CAST: variants seen among roughly 807,000 people sequenced by gnomAD.
CAST encodes the protein calpastatin.
Under a neutral mutation model 119.6 loss-of-function variants are expected in CAST, and 76 were observed. That is an observed-to-expected ratio of 0.64 (90% CI 0.53 to 0.77). The LOEUF (loss-of-function observed/expected upper bound fraction) is 0.77, where lower values mean the gene tolerates loss of function less well. CAST is among the 30% of genes least tolerant of loss of function. CAST has a pLI of 0.00. For missense variants in CAST, 953 were observed against 946.5 expected (o/e 1.01, Z -0.09); for synonymous variants, 319 against 331.6 (o/e 0.96, Z 0.41).
chr5:96,350,312 A>G, the CAST span, among the ~76,000 whole-genome samples: 2 of 152,166 alleles, frequency 1.3e-5, no homozygotes, highest in South Asian at 2.1e-4. Context: ...CAATTTACGT[A>G]TGAGAAGGAG....
rs369175111 is a variant in CAST at position 96,535,697 on chromosome 5, T to C, written c.60+5817T>C. Among the ~76,000 whole-genome samples the C allele has an allele frequency of 1.3e-3, 189 of 150,502 alleles. 3 individuals are homozygous for C. The highest frequency in any genetic ancestry group is 4.2e-3 in the African/African-American group (171 of 40,982). ...AACGCCATTCTCCTGCCTCAGCCTCTCGAGTAGCTGGGACTACAGGCGCCC... is the reference window on the plus strand; with the variant it reads ...AACGCCATTCTCCTGCCTCAGCCTCCCGAGTAGCTGGGACTACAGGCGCCC... On this transcript the variant is annotated intron_variant, in intron 1 of 11. Transcript: ENST00000505143.
the CAST span, among the ~76,000 whole-genome samples, chr5:95,994,874 T>G: frequency 2.0e-5 from 3 of 152,154 alleles, no homozygotes; most frequent in Non-Finnish European, 4.4e-5. Context: ...GACTACACAT[T>G]TTAACAAGCA....
At chr5:96,177,846 CG>C in the CAST span, among the ~76,000 whole-genome samples, 1 of 152,172 alleles carries the variant, frequency 6.6e-6, no homozygotes, top group East Asian at 1.9e-4. Flanking sequence ...CGTTTGGAGA[CG>C]TTTTGCAGCT....
At chr5:96,319,732 A>C in the CAST span, among the ~76,000 whole-genome samples, 1 of 152,110 alleles carries the variant, frequency 6.6e-6, no homozygotes. Context: ...AGATGATATT[A>C]GGTGATAGAA....
chr5:96,591,571 C>A (rs985048071), intron 1 of CAST, among the ~76,000 whole-genome samples: 2 of 152,002 alleles, frequency 1.3e-5, no homozygotes, highest in African/African-American at 4.8e-5. Flanking sequence ...GACTGGAAGG[C>A]GAATAGGTCT....
intron 3 of CAST, among the ~76,000 whole-genome samples, chr5:96,721,366 G>C (rs1758224213): frequency 6.6e-6 from 1 of 152,162 alleles, no homozygotes; most frequent in African/African-American, 2.4e-5. Flanking sequence ...TGCATTAACT[G>C]AGGTTTGTGG....
the CAST span, among the ~76,000 whole-genome samples, chr5:96,387,847 G>T: frequency 6.6e-6 from 1 of 152,150 alleles, no homozygotes; most frequent in East Asian, 1.9e-4. Context: ...CATCATCGAG[G>T]TTTATAAATC....
chr5:96,303,241 AC>A, the CAST span, among the ~76,000 whole-genome samples: 1 of 152,174 alleles, frequency 6.6e-6, no homozygotes, highest in Non-Finnish European at 1.5e-5. Context: ...CGTAAGAACA[AC>A]AAGGCATAAG....
chr5:96,731,446 AT>A lies in CAST; in HGVS notation c.630+597del, dbSNP rs912040735. ...CCTTTTCTACCCATAGCAATATAGA[AT>A]TTTTTTTTTTACCTTATCCTTTAAG... On this transcript the variant is annotated intron_variant, in intron 9 of 31. Transcript: ENST00000675179. Among the ~76,000 whole-genome samples the A allele has an allele frequency of 1.8e-3, 207 of 114,312 alleles. 2 individuals carry two copies. Among genetic ancestry groups the A allele is most frequent in the Admixed American group, 2.9e-3 (35 of 12,076 alleles). 75.0% of individuals were successfully genotyped at this position (114,312 alleles called of 152,430 possible).
intron 1 of CAST, among the ~76,000 whole-genome samples, chr5:96,544,966 T>C (rs1745980118): frequency 6.6e-6 from 1 of 152,154 alleles, no homozygotes; most frequent in Admixed American, 6.5e-5. Flanking sequence ...GCTATATTAA[T>C]TTAAAAGAAA....
At chr5:96,147,603 A>AAAAACAAAACAAAACAAAAC in the CAST span, among the ~76,000 whole-genome samples, 5 of 151,828 alleles carry the variant, frequency 3.3e-5, no homozygotes, top group Admixed American at 2.6e-4. Context: ...ACTCCGTCTC[A>AAAAACAAAACAAAACAAAAC]AAAACAAAAC....
the CAST span, among the ~76,000 whole-genome samples, chr5:96,106,974 G>A: frequency 2.1e-5 from 3 of 143,638 alleles, no homozygotes; most frequent in Non-Finnish European, 3.0e-5. Flanking sequence ...TTACCATTAT[G>A]TAATGGCCTT....
In CAST at chr5:96,773,029, G is replaced by A. The variant is rs949306648; in HGVS notation, c.*413G>A. On this transcript the variant is annotated 3_prime_UTR_variant, in exon 32 of 32. Coordinates refer to ENST00000675179, the MANE Select transcript of CAST (RefSeq NM_001750.7). ...TTTGCCCTTAATTTTTTTTGTTAGT[G>A]TTTAGAAAACAATGTTTTAAACATT... The A allele has an allele frequency of 3.2e-5, 5 of 153,848 alleles. No individual in the cohort carries two copies. Among genetic ancestry groups the A allele is most frequent in the Non-Finnish European group, 7.4e-5 (5 of 67,986 alleles). 9.5% of individuals were successfully genotyped at this position (153,848 alleles called of 1,614,324 possible).
intron 1 of CAST, among the ~76,000 whole-genome samples, chr5:96,533,024 C>A (rs1184463843): frequency 5.4e-5 from 7 of 129,810 alleles, no homozygotes; most frequent in African/African-American, 2.0e-4. Flanking sequence ...GACCTGGTCT[C>A]AAAAAAAAAA....
chr5:96,651,144 G>C (rs1748090050), intron 1 of CAST, among the ~76,000 whole-genome samples: 1 of 152,028 alleles, frequency 6.6e-6, no homozygotes, highest in Admixed American at 6.5e-5. Flanking sequence ...GCCGATGCCA[G>C]CCTCCCCGTC....
intron 1 of CAST, among the ~76,000 whole-genome samples, chr5:96,589,129 C>T (rs1252357192): frequency 1.3e-5 from 2 of 152,148 alleles, no homozygotes; most frequent in Non-Finnish European, 2.9e-5. Flanking sequence ...ATTTACATTA[C>T]TCTAAAGATA....
the CAST span, among the ~76,000 whole-genome samples, chr5:96,443,679 A>G: frequency 1.3e-5 from 2 of 152,220 alleles, no homozygotes; most frequent in Non-Finnish European, 2.9e-5. Flanking sequence ...CTAAGCCCAC[A>G]GATTGTGATT....
the CAST span, among the ~76,000 whole-genome samples, chr5:96,265,224 TAGTC>T: frequency 1.3e-5 from 2 of 152,232 alleles, no homozygotes; most frequent in East Asian, 1.9e-4. Flanking sequence ...GTGGGTGTGT[TAGTC>T]AGTGTTCTCC....
the CAST span, among the ~76,000 whole-genome samples, chr5:96,325,812 A>G: frequency 6.6e-6 from 1 of 152,334 alleles, no homozygotes; most frequent in South Asian, 2.1e-4. Context: ...ATATAAATTA[A>G]CAATGCCAAT....
Sources: allele counts gnomAD v4.1 joint callset (sites outside exome capture counted in the v4.1 genomes callset), GRCh38; gene constraint gnomAD v4.1.1; transcripts MANE v1.5; gene names NCBI Gene and HGNC (gene_info 2026-07-23, HGNC 2026-07-21).